The following HMCN1 variants were observed in gnomAD, a reference collection of about 807,000 sequenced individuals.
HMCN1 encodes hemicentin-1.
A neutral mutation model predicts 625.9 loss-of-function variants in HMCN1; 321 were observed. The observed-to-expected ratio is 0.51, with a 90% CI of 0.47 to 0.56. HMCN1 has a LOEUF of 0.56. Ranked by LOEUF, HMCN1 falls within the 20% of genes least tolerant of loss-of-function variation. HMCN1 has a pLI of 0.00. For missense variants in HMCN1, 6,588 were observed against 6,887.3 expected, an observed-to-expected ratio of 0.96 and a Z score of 1.54; for synonymous variants, 2,425 against 2,417.6, an observed-to-expected ratio of 1.00 and a Z score of -0.09.
chr1:186,068,669 C>G (rs1658286699), intron 50 of HMCN1, among the ~76,000 whole-genome samples: 1 of 151,836 alleles, frequency 6.6e-6, no homozygotes, highest in Non-Finnish European at 1.5e-5. Context: ...AGATTGAGAC[C>G]ATCCTGGCTA....
rs1178225557 is a variant in HMCN1, at chr1:186,154,001, A to G, written c.15256+14A>G. ...CAATATCCAAAGGTAATTTGATAAA[A>G]GAAAATCCATATCTTTATGCCATCC... is the stretch of plus-strand genomic sequence containing the variant. On this transcript the variant is annotated intron_variant, in intron 97 of 106. Transcript: ENST00000271588. 3 of 1,596,160 alleles carry G rather than the reference A, an allele frequency of 1.9e-6. 1 individual carries two copies. The highest frequency in any genetic ancestry group is 1.1e-5 in the South Asian group (1 of 90,582).
intron 1 of HMCN1, among the ~76,000 whole-genome samples, chr1:185,826,202 A>ATT (rs1462110999): frequency 1.3e-5 from 2 of 152,170 alleles, no homozygotes; most frequent in Non-Finnish European, 2.9e-5. Flanking sequence ...TAAAACATGG[A>ATT]TTTTGAGGAT....
chr1:186,093,387 C>A, intron 65 of HMCN1, 99 bp from the exon 66 acceptor site: 2 of 1,582,878 alleles, frequency 1.3e-6, no homozygotes, highest in Non-Finnish European at 8.7e-7. Context: ...TCCTTTTGGG[C>A]TACAATTTTG....
At position 186,145,907 on chromosome 1, in the gene HMCN1, T is replaced by C; in HGVS notation, c.14592T>C (p.Asn4864=). The C allele has an allele frequency of 1.2e-6, 2 of 1,613,932 alleles. No individual in the cohort carries two copies. Among genetic ancestry groups the C allele is most frequent in the Non-Finnish European group, 1.7e-6 (2 of 1,179,984 alleles). Residue 4864 remains asparagine (N), a synonymous_variant, in exon 93 of 107, where the codon AAT becomes AAC. Coordinates refer to ENST00000271588, the MANE Select transcript of HMCN1 (RefSeq NM_031935.3). ...PGDTTQVTRC[N]VQACPGGPQR... Reference sequence around the variant, plus strand: ...ACACTACTCAGGTGACCAGGTGCAATGTACAAGCATGTCCAGGTAAGCAAC... The same window carrying C: ...ACACTACTCAGGTGACCAGGTGCAACGTACAAGCATGTCCAGGTAAGCAAC...
chr1:186,179,187 C>G (rs1434066518), intron 104 of HMCN1, among the ~76,000 whole-genome samples: 1 of 152,044 alleles, frequency 6.6e-6, no homozygotes, highest in African/African-American at 2.4e-5. Context: ...GCTTCTCGGT[C>G]GACTGCTTGT....
chr1:186,133,602 C>T (rs1406228706), intron 86 of HMCN1, among the ~76,000 whole-genome samples: 2 of 152,166 alleles, frequency 1.3e-5, no homozygotes, highest in African/African-American at 4.8e-5. Context: ...CAGTATTTAA[C>T]AGGGTGAATT....
intron 30 of HMCN1, among the ~76,000 whole-genome samples, chr1:186,009,627 G>C (rs1358832297): frequency 6.6e-6 from 1 of 152,058 alleles, no homozygotes; most frequent in Non-Finnish European, 1.5e-5. Context: ...CAGGTGGGTT[G>C]ATACACTTAA....
rs188964529 is a variant in HMCN1, at chr1:185,953,430, G to A, written c.1829-9088G>A. ...GGGGAAGTCTGCCTTCCCAGTCCATGACCGGCACCGGAGTTTTGGGTCCAC... is the reference window on the plus strand; with the variant it reads ...GGGGAAGTCTGCCTTCCCAGTCCATAACCGGCACCGGAGTTTTGGGTCCAC... On this transcript the variant is annotated intron_variant, in intron 11 of 106. Coordinates refer to ENST00000271588, the MANE Select transcript of HMCN1 (RefSeq NM_031935.3). Among the ~76,000 whole-genome samples the A allele has an allele frequency of 1.8e-4, 27 of 151,978 alleles. 1 individual carries two copies. Among genetic ancestry groups the A allele is most frequent in the African/African-American group, 6.1e-4 (25 of 41,304 alleles).
intron 28 of HMCN1, among the ~76,000 whole-genome samples, chr1:186,002,838 G>A (rs138477158): frequency 6.6e-6 from 1 of 152,014 alleles, no homozygotes; most frequent in African/African-American, 2.4e-5. Context: ...CACTCACTTG[G>A]TTATTCCAGA....
intron 1 of HMCN1, among the ~76,000 whole-genome samples, chr1:185,786,753 C>G (rs1176720169): frequency 6.6e-6 from 1 of 152,112 alleles, no homozygotes; most frequent in Non-Finnish European, 1.5e-5. Context: ...ATGGCAGAAC[C>G]AAATTAAAAC....
chr1:185,946,928 A>T (rs1668377812), intron 11 of HMCN1, among the ~76,000 whole-genome samples: 1 of 152,232 alleles, frequency 6.6e-6, no homozygotes, highest in African/African-American at 2.4e-5. Context: ...CATATTTGCC[A>T]TTAAGAGTCT....
chr1:186,015,586 G>GA, intron 31 of HMCN1, 149 bp downstream of exon 31: 1 of 842,276 alleles, frequency 1.2e-6, no homozygotes, highest in Non-Finnish European at 1.9e-6. Context: ...CCATGATTTG[G>GA]AAAAATATTT....
chr1:185,780,692 T>C (rs1657015607), intron 1 of HMCN1, among the ~76,000 whole-genome samples: 1 of 152,238 alleles, frequency 6.6e-6, no homozygotes, highest in African/African-American at 2.4e-5. Flanking sequence ...ATCACAGGGA[T>C]GAAGCCCACT....
intron 1 of HMCN1, among the ~76,000 whole-genome samples, chr1:185,833,166 T>C (rs1233701004): frequency 6.6e-6 from 1 of 152,234 alleles, no homozygotes; most frequent in Admixed American, 6.5e-5. Flanking sequence ...TCTTCCACAG[T>C]TGTGCCAAGC....
At chr1:185,848,825 C>G (rs554103969) in intron 2 of HMCN1, among the ~76,000 whole-genome samples, 1 of 152,142 alleles carries the variant, frequency 6.6e-6, no homozygotes, top group Non-Finnish European at 1.5e-5. Context: ...TTGTTTGTAA[C>G]TTTCTAAATA....
chr1:185,933,968 CAG>C, intron 11 of HMCN1, 144 bp downstream of exon 11: 1 of 761,370 alleles, frequency 1.3e-6, no homozygotes, highest in Non-Finnish European at 2.3e-6. Flanking sequence ...TTAACATACT[CAG>C]TGGTCTACAG....
chr1:186,163,408 C>T (rs1324549889), intron 97 of HMCN1, among the ~76,000 whole-genome samples: 1 of 152,108 alleles, frequency 6.6e-6, no homozygotes, highest in East Asian at 1.9e-4. Context: ...CGGTGCGCTG[C>T]ACCCACTGAC....
chr1:186,046,308 A>G (rs924736493), intron 41 of HMCN1, among the ~76,000 whole-genome samples: 1 of 152,112 alleles, frequency 6.6e-6, no homozygotes, highest in Non-Finnish European at 1.5e-5. Context: ...GTCTCTACTA[A>G]AAACACAAAA....
chr1:185,928,783 C>A, intron 10 of HMCN1, 116 bp downstream of exon 10: 1 of 1,123,028 alleles, frequency 8.9e-7, no homozygotes, highest in Non-Finnish European at 1.3e-6. Context: ...TTATTATTGT[C>A]TATCTCTCCA....
Sources: gnomAD v4.1 joint callset for allele counts (sites outside exome capture counted in the v4.1 genomes callset) on GRCh38, gnomAD v4.1.1 for gene constraint, MANE v1.5 for transcripts, NCBI Gene and HGNC (gene_info 2026-07-23, HGNC 2026-07-21) for gene names.